The following FAT3 variants were observed in gnomAD, a reference collection of about 807,000 sequenced individuals.
FAT3 encodes protocadherin Fat 3.
In FAT3, 95 loss-of-function variants were observed where a neutral mutation model predicts 310.2. That is an observed-to-expected ratio of 0.31 (90% CI 0.26 to 0.36). The LOEUF (loss-of-function observed/expected upper bound fraction) is 0.36, where lower values mean the gene tolerates loss of function less well. FAT3 is among the 10% of genes least tolerant of loss of function. The pLI is 1.00. For missense variants in FAT3, 5,408 were observed against 5,715.6 expected, an observed-to-expected ratio of 0.95 and a Z score of 1.74; for synonymous variants, 2,314 against 2,192.9, an observed-to-expected ratio of 1.06 and a Z score of -1.54.
At chr11:92,542,089 A>G (rs1183921715) in intron 3 of FAT3, among the ~76,000 whole-genome samples, 2 of 152,134 alleles carry the variant, frequency 1.3e-5, no homozygotes, top group East Asian at 3.9e-4. Flanking sequence ...CAATGGAGAA[A>G]GGACACCCTC....
intron 4 of FAT3, among the ~76,000 whole-genome samples, chr11:92,728,612 TTC>T (rs1945073211): frequency 6.6e-6 from 1 of 152,154 alleles, no homozygotes; most frequent in Non-Finnish European, 1.5e-5. Context: ...CAAGAATTTA[TTC>T]TCTCAGAGTT....
intron 2 of FAT3, among the ~76,000 whole-genome samples, chr11:92,397,017 A>G (rs1465413606): frequency 1.3e-5 from 2 of 152,052 alleles, no homozygotes; most frequent in Non-Finnish European, 2.9e-5. Context: ...CCTCTTTGTT[A>G]CTTTCATGGG....
intron 3 of FAT3, among the ~76,000 whole-genome samples, chr11:92,600,516 C>T (rs1412284433): frequency 6.6e-6 from 1 of 152,174 alleles, no homozygotes; most frequent in African/African-American, 2.4e-5. Flanking sequence ...AGAATAAGAG[C>T]AACTTACACT....
intron 3 of FAT3, among the ~76,000 whole-genome samples, chr11:92,688,814 A>G (rs1420716849): frequency 1.3e-5 from 2 of 152,222 alleles, no homozygotes; most frequent in South Asian, 2.1e-4. Flanking sequence ...TCTCAAAAAA[A>G]TGTAACCATG....
intron 1 of FAT3, among the ~76,000 whole-genome samples, chr11:92,229,489 C>CTTTTTTTTTTTTTTTTTTTTTTTT (rs1565339181): frequency 2.1e-5 from 1 of 48,626 alleles, no homozygotes; most frequent in African/African-American, 8.1e-5. Context: ...TTTGTTTTTT[C>CTTTTTTTTTTTTTTTTTTTTTTTT]GTGTTTTTTT....
chr11:92,692,280 C>G (rs1403941669), intron 3 of FAT3, among the ~76,000 whole-genome samples: 1 of 152,124 alleles, frequency 6.6e-6, no homozygotes, highest in African/African-American at 2.4e-5. Context: ...ATTGAGAGTT[C>G]TGGAAGACTA....
At chr11:92,423,841 A>G (rs1410382912) in intron 2 of FAT3, among the ~76,000 whole-genome samples, 3 of 152,300 alleles carry the variant, frequency 2.0e-5, no homozygotes, top group Admixed American at 6.5e-5. Flanking sequence ...AAGATCTTCA[A>G]CTGATTAGAT....
At chr11:92,331,433 G>A (rs2134538872) in intron 1 of FAT3, among the ~76,000 whole-genome samples, 1 of 152,112 alleles carries the variant, frequency 6.6e-6, no homozygotes, top group Admixed American at 6.5e-5. Flanking sequence ...AGAAGCACAT[G>A]AAATGCAGAT....
chr11:92,447,795 T>G (rs1319579901), intron 2 of FAT3, among the ~76,000 whole-genome samples: 1 of 152,122 alleles, frequency 6.6e-6, no homozygotes, highest in Non-Finnish European at 1.5e-5. Flanking sequence ...CCAGAATGGC[T>G]TCTTTTATCC....
intron 3 of FAT3, among the ~76,000 whole-genome samples, chr11:92,533,837 G>T (rs2043051721): frequency 6.6e-6 from 1 of 152,058 alleles, no homozygotes; most frequent in African/African-American, 2.4e-5. Flanking sequence ...TTACCCTGGG[G>T]CTCAGCTGCA....
At chr11:92,634,967 C>T (rs56049920) in intron 3 of FAT3, among the ~76,000 whole-genome samples, 1 of 152,152 alleles carries the variant, frequency 6.6e-6, no homozygotes. Context: ...GCACCCACAG[C>T]GGAAAGGCCT....
At chr11:92,556,589 A>G (rs765162252) in intron 3 of FAT3, among the ~76,000 whole-genome samples, 1 of 152,140 alleles carries the variant, frequency 6.6e-6, no homozygotes, top group East Asian at 1.9e-4. Flanking sequence ...GATATCAGAA[A>G]TATCTGTGAG....
At chr11:92,489,978 C>T (rs1952556677) in intron 2 of FAT3, among the ~76,000 whole-genome samples, 1 of 151,780 alleles carries the variant, frequency 6.6e-6, no homozygotes, top group South Asian at 2.1e-4. Flanking sequence ...TTTTCCCTCC[C>T]TACCCCATTT....
In FAT3 at chr11:92,524,805, C is replaced by G; in HGVS notation, c.3464C>G (p.Pro1155Arg). The G allele has an allele frequency of 6.2e-7, 1 of 1,613,794 alleles. No individual in the cohort carries two copies. The highest frequency in any genetic ancestry group is 8.5e-7 in the Non-Finnish European group (1 of 1,179,804). Residue 1155 changes from proline to arginine, a missense_variant, in exon 3 of 28, where the codon CCT becomes CGT. Around this residue, in one of 5 missense-constraint regions of FAT3, gnomAD observed 4,588 missense variants for 4,809.8 expected, o/e 0.95. Transcript: ENST00000525166. The stretch of plus-strand genomic sequence containing the variant: ...CTGACCTCAGAACCTATATATTATC[C>G]TGTTGTCATGGAAAACTCTCCAAAG... ...APLTSEPIYY[P>R]VVMENSPKDV...
Position 92,353,749 on chromosome 11 carries a change from T to C in FAT3, c.1637T>C (p.Ile546Thr), listed in dbSNP as rs751884222. Residue 546 changes from isoleucine to threonine, a missense_variant, in exon 2 of 28, where the codon ATT becomes ACT. Around this residue, in one of 5 missense-constraint regions of FAT3, gnomAD observed 4,588 missense variants for 4,809.8 expected, o/e 0.95. Transcript: ENST00000525166. ...FESSPEIYRFIVRASDWGSPY... is the reference protein window; with the variant it reads ...FESSPEIYRFTVRASDWGSPY... Reference sequence around the variant, plus strand: ...TCCTCCCCAGAAATTTACAGATTCATTGTTAGAGCCTCTGACTGGGGTTCA... The same window carrying C: ...TCCTCCCCAGAAATTTACAGATTCACTGTTAGAGCCTCTGACTGGGGTTCA... 5.0e-6 allele frequency: 8 copies of C among 1,613,760 alleles called. No individual in the cohort carries two copies. The highest frequency in any genetic ancestry group is 5.1e-6 in the Non-Finnish European group (6 of 1,179,850).
At chr11:92,407,477 C>T (rs947737433) in intron 2 of FAT3, among the ~76,000 whole-genome samples, 1 of 152,126 alleles carries the variant, frequency 6.6e-6, no homozygotes, top group Middle Eastern at 3.2e-3. Context: ...AATGAATTTT[C>T]TAAGCTTTTC....
chr11:92,587,372 A>G (rs1939208089), intron 3 of FAT3, among the ~76,000 whole-genome samples: 1 of 151,996 alleles, frequency 6.6e-6, no homozygotes. Flanking sequence ...AAAAGGTGCT[A>G]TGATCAATAT....
intron 1 of FAT3, among the ~76,000 whole-genome samples, chr11:92,249,129 T>G (rs1431033255): frequency 6.6e-6 from 1 of 152,142 alleles, no homozygotes; most frequent in Non-Finnish European, 1.5e-5. Flanking sequence ...ACTTATTTGT[T>G]ATTTAAAAGT....
intron 9 of FAT3, among the ~76,000 whole-genome samples, chr11:92,794,476 T>G (rs1947117716): frequency 6.6e-6 from 1 of 152,234 alleles, no homozygotes; most frequent in African/African-American, 2.4e-5. Context: ...TACCTGCTTT[T>G]TATATTTGTC....
Sources: gnomAD v4.1 joint callset for allele counts (sites outside exome capture counted in the v4.1 genomes callset) on GRCh38, gnomAD v4.1.1 for gene constraint, gnomAD v4.1.1 regional missense constraint, MANE v1.5 for transcripts, NCBI Gene and HGNC (gene_info 2026-07-23, HGNC 2026-07-21) for gene names.